The following SSBP2 variants were observed in gnomAD, a reference collection of about 807,000 sequenced individuals.
The protein encoded by SSBP2 is single-stranded DNA-binding protein 2.
A neutral mutation model predicts 61.8 loss-of-function variants in SSBP2; 17 were observed. That is an observed-to-expected ratio of 0.28 (90% confidence interval 0.19 to 0.41). The LOEUF is 0.41. Ranked by LOEUF, SSBP2 falls within the 10% of genes least tolerant of loss-of-function variation. SSBP2 has a pLI of 1.00. For missense variants in SSBP2, 310 were observed against 458.7 expected (o/e 0.68, Z 2.96); for synonymous variants, 139 against 141.3 (o/e 0.98, Z 0.12).
At chr5:81,592,824 A>C (rs1743217768) in intron 4 of SSBP2, among the ~76,000 whole-genome samples, 1 of 152,218 alleles carries the variant, frequency 6.6e-6, no homozygotes, top group African/African-American at 2.4e-5. Context: ...GGACATCCAC[A>C]CCAAAGACCC....
intron 1 of SSBP2, among the ~76,000 whole-genome samples, chr5:81,750,354 C>T (rs937575466): frequency 6.9e-6 from 1 of 145,856 alleles, no homozygotes; most frequent in Non-Finnish European, 1.5e-5. Context: ...ACGCCCTCCG[C>T]GCCCCGCGCG....
intron 1 of SSBP2, among the ~76,000 whole-genome samples, chr5:81,732,666 TTA>T (rs1756345781): frequency 6.6e-6 from 1 of 152,238 alleles, no homozygotes; most frequent in Non-Finnish European, 1.5e-5. Flanking sequence ...AATGTTGCTT[TTA>T]TATGTGGTAT....
chr5:81,512,665 G>A (rs1026666361), intron 5 of SSBP2, among the ~76,000 whole-genome samples: 9 of 151,902 alleles, frequency 5.9e-5, no homozygotes, highest in Admixed American at 6.6e-5. Context: ...CAACTGATAC[G>A]GTTTGGAAAA....
intron 4 of SSBP2, among the ~76,000 whole-genome samples, chr5:81,594,296 C>A (rs1409423801): frequency 6.6e-6 from 1 of 152,108 alleles, no homozygotes; most frequent in African/African-American, 2.4e-5. Context: ...AGCTAACTAT[C>A]CTAAATATAT....
chr5:81,432,895 C>T (rs1762398295), intron 15 of SSBP2, among the ~76,000 whole-genome samples: 1 of 149,942 alleles, frequency 6.7e-6, no homozygotes, highest in Non-Finnish European at 1.5e-5. Flanking sequence ...AGTGAGGAGC[C>T]CCTCTGCCCG....
At chr5:81,453,311 C>G (rs1022700695) in intron 10 of SSBP2, among the ~76,000 whole-genome samples, 1 of 151,238 alleles carries the variant, frequency 6.6e-6, no homozygotes, top group Admixed American at 6.6e-5. Flanking sequence ...TGTCCCCCCA[C>G]CCCACCAAAA....
chr5:81,737,737 G>A (rs1252366593), intron 1 of SSBP2, among the ~76,000 whole-genome samples: 12 of 146,402 alleles, frequency 8.2e-5, no homozygotes, highest in Admixed American at 2.1e-4. Context: ...GCAGTGAGCC[G>A]AGATTGCTCC....
At chr5:81,531,197 T>G (rs1199930036) in intron 4 of SSBP2, among the ~76,000 whole-genome samples, 1 of 138,340 alleles carries the variant, frequency 7.2e-6, no homozygotes, top group African/African-American at 2.8e-5. Context: ...ATGACTGCAC[T>G]CAGCCTGAGT....
At chr5:81,609,335 C>A (rs890557490) in intron 4 of SSBP2, among the ~76,000 whole-genome samples, 6 of 152,192 alleles carry the variant, frequency 3.9e-5, no homozygotes, top group Admixed American at 2.6e-4. Flanking sequence ...GATACACCTT[C>A]CCCAGCACTT....
intron 9 of SSBP2, among the ~76,000 whole-genome samples, chr5:81,465,724 G>A (rs1349215510): frequency 6.6e-6 from 1 of 151,972 alleles, no homozygotes; most frequent in Non-Finnish European, 1.5e-5. Context: ...CTATTGGTAA[G>A]AGCTTCAGCT....
chr5:81,445,138 T>TTTTATA (rs1554065521), intron 12 of SSBP2, among the ~76,000 whole-genome samples: 2 of 33,896 alleles, frequency 5.9e-5, no homozygotes, highest in Non-Finnish European at 1.1e-4. Context: ...AAAAAAAATT[T>TTTTATA]TATATATATA....
chr5:81,499,831 A>T (rs1767563645), intron 5 of SSBP2, among the ~76,000 whole-genome samples: 2 of 152,236 alleles, frequency 1.3e-5, no homozygotes, highest in African/African-American at 4.8e-5. Flanking sequence ...TCTACTTTAT[A>T]TTCCTACTTT....
chr5:81,512,204 G>A (rs1320153927), intron 5 of SSBP2, among the ~76,000 whole-genome samples: 2 of 152,178 alleles, frequency 1.3e-5, no homozygotes, highest in East Asian at 1.9e-4. Context: ...AATCAACTAC[G>A]AGGCTTAAAA....
intron 4 of SSBP2, among the ~76,000 whole-genome samples, chr5:81,598,805 T>C (rs1023218382): frequency 2.0e-5 from 3 of 152,196 alleles, no homozygotes; most frequent in Admixed American, 6.5e-5. Flanking sequence ...CCTTTTGTTC[T>C]AGCCATGTCA....
intron 1 of SSBP2, among the ~76,000 whole-genome samples, chr5:81,684,906 CA>C (rs1260677347): frequency 6.6e-6 from 1 of 151,902 alleles, no homozygotes; most frequent in East Asian, 1.9e-4. Flanking sequence ...TGGGAGGGGC[CA>C]GGGGCAGAAT....
chr5:81,459,187 C>T (rs1764369859), intron 10 of SSBP2, among the ~76,000 whole-genome samples: 1 of 152,140 alleles, frequency 6.6e-6, no homozygotes, highest in Middle Eastern at 3.2e-3. Flanking sequence ...AGCGTATTCT[C>T]CTACCCACAG....
At chr5:81,696,516 C>G (rs560132812) in intron 1 of SSBP2, among the ~76,000 whole-genome samples, 5 of 152,304 alleles carry the variant, frequency 3.3e-5, no homozygotes, top group Admixed American at 6.5e-5. Context: ...TTCTTCTAGG[C>G]ATTGGACTTG....
At chr5:81,748,086 A>G (rs1757468270) in intron 1 of SSBP2, among the ~76,000 whole-genome samples, 1 of 152,194 alleles carries the variant, frequency 6.6e-6, no homozygotes, top group African/African-American at 2.4e-5. Context: ...GAAAGACAAA[A>G]CAAAGATCTA....
chr5:81,710,695 T>C (rs999784369), intron 1 of SSBP2: 3 of 454,306 alleles, frequency 6.6e-6, no homozygotes, highest in African/African-American at 6.0e-5. Context: ...ATAATACGAA[T>C]GAATACATGA....
Sources: allele counts gnomAD v4.1 joint callset (sites outside exome capture counted in the v4.1 genomes callset), GRCh38; gene constraint gnomAD v4.1.1; transcripts MANE v1.5; gene names NCBI Gene and HGNC (gene_info 2026-07-23, HGNC 2026-07-21).